XAGE2: variants seen among roughly 807,000 people sequenced by gnomAD.
XAGE2 encodes the protein X antigen family member 2, also known as G antigen family D member 3.
XAGE2 carries 7 observed loss-of-function variants against 9.9 expected under a neutral mutation model. The observed-to-expected ratio is 0.71, with a 90% CI of 0.40 to 1.32. XAGE2 has a LOEUF of 1.32. XAGE2 is among the 40% of genes most tolerant of loss of function. XAGE2 has a pLI of 0.01. For synonymous variants in XAGE2, 31 were observed against 26.8 expected, an observed-to-expected ratio of 1.16 and a Z score of -0.48; for missense variants, 85 against 81.0, an observed-to-expected ratio of 1.05 and a Z score of -0.19.
chrX:52,369,520 T>G (rs1339277439), intron 1 of XAGE2, among the ~76,000 whole-genome samples: 1 of 110,740 alleles, frequency 9.0e-6, no homozygotes, highest in African/African-American at 3.3e-5. Context: ...CCCCGAGGTC[T>G]GTAGAGCTCC....
At chrX:52,374,287 A>T (rs1349175598) in intron 4 of XAGE2, among the ~76,000 whole-genome samples, 1 of 111,745 alleles carries the variant, frequency 8.9e-6, no homozygotes, top group Non-Finnish European at 1.9e-5. Context: ...CCCAGGCTGG[A>T]GTGCAGCAGC....
intron 4 of XAGE2, among the ~76,000 whole-genome samples, chrX:52,374,670 G>A (rs1226426949): frequency 8.9e-6 from 1 of 112,110 alleles, no homozygotes; most frequent in Non-Finnish European, 1.9e-5. Context: ...GCATGAACTT[G>A]TGAAATTTGC....
In XAGE2 at chrX:52,372,114, G is replaced by T. The variant is rs984608883; in HGVS notation, c.188-430G>T. On this transcript the variant is annotated intron_variant, in intron 3 of 4. Transcript: ENST00000286049. ...ACCTGTAATCCCAGCACTTTGGAAG[G>T]CCGAGGCTGGTGGGTCCCTTGAGCC... Among the ~76,000 whole-genome samples the T allele has an allele frequency of 5.7e-4, 63 of 111,453 alleles. 1 individual carries two copies. The South Asian group carries it at 0.022, about 39-fold the overall frequency.
At chrX:52,371,791 C>T (rs1203489129) in intron 3 of XAGE2, among the ~76,000 whole-genome samples, 1 of 111,437 alleles carries the variant, frequency 9.0e-6, no homozygotes, top group Non-Finnish European at 1.9e-5. Flanking sequence ...GCCTTTGGAC[C>T]TAAGCATAAT....
rs1281706854 is a variant in XAGE2, at chrX:52,372,514, C to T, written c.188-30C>T. On this transcript the variant is annotated intron_variant, in intron 3 of 4. Coordinates refer to ENST00000286049, the MANE Select transcript of XAGE2 (RefSeq NM_130777.3). The stretch of plus-strand genomic sequence containing the variant: ...CTTATTTATACTTCATGTTTTTGTA[C>T]TCAAGTTCAATAACCTTTGTATTTT... 1.1e-5 allele frequency: 13 copies of T among 1,206,642 alleles called. No individual in the cohort carries two copies. The Admixed American group carries it at 1.8e-4, about 16-fold the overall frequency.
At chrX:52,373,713 A>G (rs897546209) in intron 4 of XAGE2, among the ~76,000 whole-genome samples, 5,683 of 112,004 alleles carry the variant, frequency 0.051, 171 homozygotes, top group African/African-American at 0.11. Flanking sequence ...AGTATCTTTT[A>G]CACATTTTTT....
intron 4 of XAGE2, among the ~76,000 whole-genome samples, chrX:52,374,829 A>G (rs1318466787): frequency 8.9e-6 from 1 of 111,835 alleles, no homozygotes; most frequent in Non-Finnish European, 1.9e-5. Context: ...GATATCAATA[A>G]TGATAATGAT....
chrX:52,372,797 G>A (rs1921225353), intron 4 of XAGE2, 128 bp downstream of exon 4: 7 of 924,527 alleles, frequency 7.6e-6, no homozygotes, highest in African/African-American at 1.9e-5. Flanking sequence ...TCTTTGAAAG[G>A]TACTTCAGAT....
At chrX:52,370,496 AT>A in intron 2 of XAGE2, 70 bp from the exon 3 acceptor site, 1 of 861,221 alleles carries the variant, frequency 1.2e-6, no homozygotes, top group East Asian at 3.1e-5. Context: ...TATTCTGTAT[AT>A]TTGTATTATT....
chrX:52,370,705 G>C (rs1453126574), intron 3 of XAGE2, 33 bp downstream of exon 3: 38 of 1,149,954 alleles, frequency 3.3e-5, no homozygotes, highest in Non-Finnish European at 4.3e-5. Flanking sequence ...ATGCCTATAG[G>C]GGGAAGGAGG....
chrX:52,371,199 G>C (rs1332453272), intron 3 of XAGE2, among the ~76,000 whole-genome samples: 1 of 112,089 alleles, frequency 8.9e-6, no homozygotes, highest in Non-Finnish European at 1.9e-5. Context: ...TTCATATTAC[G>C]TTCCAAGGTC....
At chrX:52,369,729 C>T (rs1179566787) in intron 1 of XAGE2, among the ~76,000 whole-genome samples, 2 of 112,315 alleles carry the variant, frequency 1.8e-5, no homozygotes, top group African/African-American at 6.5e-5. Context: ...TTAAATGTCT[C>T]CACTATGGAG....
At chrX:52,372,077 A>G in intron 3 of XAGE2, among the ~76,000 whole-genome samples, 1 of 111,895 alleles carries the variant, frequency 8.9e-6, no homozygotes, top group East Asian at 2.8e-4. Flanking sequence ...CAGGCCAGGT[A>G]CATTGGCTCA....
chrX:52,371,592 C>T (rs1157941418), intron 3 of XAGE2, among the ~76,000 whole-genome samples: 1 of 111,717 alleles, frequency 9.0e-6, no homozygotes, highest in Non-Finnish European at 1.9e-5. Context: ...CTAAAGTTGA[C>T]GGAATTTGGA....
chrX:52,373,630 T>G (rs1485215605), intron 4 of XAGE2, among the ~76,000 whole-genome samples: 3 of 112,152 alleles, frequency 2.7e-5, no homozygotes, highest in Non-Finnish European at 5.6e-5. Flanking sequence ...TACAGGTTTC[T>G]GCCTTGAGAC....
chrX:52,370,678 G>T lies in XAGE2; in HGVS notation c.187+6G>T. The T allele has an allele frequency of 8.3e-7, 1 of 1,206,939 alleles. No individual in the cohort carries two copies. Among genetic ancestry groups the T allele is most frequent in the Non-Finnish European group, 1.1e-6 (1 of 891,990 alleles). ...GGGTGCAGCTGAGATTCAAGGTGCT[G>T]GGAAAGGAAAGAAATAATGCCTATA... On this transcript the variant is annotated splice_donor_region_variant and intron_variant, in intron 3 of 4. Coordinates refer to ENST00000286049, the MANE Select transcript of XAGE2 (RefSeq NM_130777.3).
At position 52,372,633 on chromosome X, in the gene XAGE2, C is replaced by A; in HGVS notation, c.277C>A (p.Leu93Ile). 1 of 1,211,306 alleles carries A rather than the reference C, an allele frequency of 8.3e-7. No individual in the cohort carries two copies. The highest frequency in any genetic ancestry group is 1.1e-6 in the Non-Finnish European group (1 of 895,143). Residue 93 changes from leucine to isoleucine, a missense_variant, in exon 4 of 5, where the codon CTA (leucine) becomes ATA (isoleucine). Coordinates refer to ENST00000286049, the MANE Select transcript of XAGE2 (RefSeq NM_130777.3). ...EGGTDVKGKILPKAEHFKMPE... is the reference protein window; with the variant it reads ...EGGTDVKGKIIPKAEHFKMPE... Reference sequence around the variant, plus strand: ...TGGTACTGATGTCAAGGGGAAGATTCTACCAAAAGCAGAGCACTTTAAAAT... The same window carrying A: ...TGGTACTGATGTCAAGGGGAAGATTATACCAAAAGCAGAGCACTTTAAAAT...
rs1921293783 is a variant in XAGE2 at position 52,375,545 on chromosome X, C to G, written c.314-24C>G. Reference sequence around the variant, plus strand: ...TAAATACAGTTCTGCTAGTAATGTTCCACCTGTTATGTTTCTATTACAGGT... The same window carrying G: ...TAAATACAGTTCTGCTAGTAATGTTGCACCTGTTATGTTTCTATTACAGGT... On this transcript the variant is annotated intron_variant, in intron 4 of 4. Coordinates refer to ENST00000286049, the MANE Select transcript of XAGE2 (RefSeq NM_130777.3). The G allele has an allele frequency of 7.5e-6, 9 of 1,197,629 alleles. No individual in the cohort carries two copies. In the South Asian group the frequency reaches 1.6e-4, roughly 22 times the overall value.
chrX:52,370,261 C>T (rs1465212604), intron 2 of XAGE2, among the ~76,000 whole-genome samples, 166 bp downstream of exon 2: 3 of 112,370 alleles, frequency 2.7e-5, no homozygotes, highest in African/African-American at 9.7e-5. Context: ...CTGATTTTGC[C>T]TTCATGGATA....
Sources: gnomAD v4.1 joint callset for allele counts (sites outside exome capture counted in the v4.1 genomes callset) on GRCh38, gnomAD v4.1.1 for gene constraint, MANE v1.5 for transcripts, NCBI Gene and HGNC (gene_info 2026-07-23, HGNC 2026-07-21) for gene names.